NUP93: variants seen among roughly 807,000 people sequenced by gnomAD.
The protein encoded by NUP93 is nucleoporin 93, also known as nuclear pore complex protein Nup93.
A neutral mutation model predicts 107.8 loss-of-function variants in NUP93; 55 were observed. The ratio of observed to expected loss-of-function variants is 0.51; its 90% CI spans 0.41 to 0.64. NUP93 has a LOEUF of 0.64. Ranked by LOEUF, NUP93 falls within the 30% of genes least tolerant of loss-of-function variation. NUP93 has a pLI of 0.00. For synonymous variants in NUP93, 390 were observed against 397.5 expected, an observed-to-expected ratio of 0.98 and a Z score of 0.22; for missense variants, 937 against 1,044.7, an observed-to-expected ratio of 0.90 and a Z score of 1.42.
chr16:56,755,293 G>A lies in NUP93; in HGVS notation c.180-3245G>A, dbSNP rs190526666. On this transcript the variant is annotated intron_variant, in intron 2 of 21. Transcript: ENST00000308159. ...GAATACTGTTTGGCAATAAAAAGGA[G>A]TGAAGTACTAATACATGTTTCAACA... 5.2e-3 allele frequency among the ~76,000 whole-genome samples: 789 copies of A among 152,320 alleles called. 6 individuals are homozygous for A. The highest frequency in any genetic ancestry group is 9.2e-3 in the Non-Finnish European group (627 of 68,030).
intron 21 of NUP93, among the ~76,000 whole-genome samples, chr16:56,844,176 C>G (rs1395939517): frequency 6.6e-6 from 1 of 152,168 alleles, no homozygotes; most frequent in African/African-American, 2.4e-5. Context: ...GCAGGCAGTT[C>G]TGAAGCTCAG....
At position 56,849,015 on chromosome 16, in the gene NUP93, G is replaced by C. The variant is rs987003368; in HGVS notation, c.*4406G>C. 2.6e-5 allele frequency: 4 copies of C among 152,130 alleles called. No homozygotes were observed. The highest frequency in any genetic ancestry group is 4.8e-5 in the African/African-American group (2 of 41,410). 9.4% of individuals were successfully genotyped at this position (152,130 alleles called of 1,614,324 possible). On this transcript the variant is annotated 3_prime_UTR_variant, in exon 22 of 22. Transcript: ENST00000308159. The stretch of plus-strand genomic sequence containing the variant: ...TATGCTTCTCCTGTGTGCCCTCTCT[G>C]GGGTATCTGGCCCACAGTAGATTGC...
intron 4 of NUP93, among the ~76,000 whole-genome samples, chr16:56,805,014 TA>T (rs1478258688): frequency 6.6e-6 from 1 of 152,278 alleles, no homozygotes; most frequent in East Asian, 1.9e-4. Flanking sequence ...TTTATTTATT[TA>T]TTTTTTTGGA....
chr16:56,773,073 GAC>G (rs1281288081), intron 3 of NUP93, among the ~76,000 whole-genome samples: 2 of 152,218 alleles, frequency 1.3e-5, no homozygotes, highest in Non-Finnish European at 2.9e-5. Flanking sequence ...GAGCAGAGTA[GAC>G]ACAGTTTGAA....
chr16:56,794,853 G>A lies in NUP93; in HGVS notation c.298-3623G>A, dbSNP rs190845018. Among the ~76,000 whole-genome samples, 707 of 146,686 alleles carry A rather than the reference G, an allele frequency of 4.8e-3. 1 individual carries two copies. The highest frequency in any genetic ancestry group is 0.012 in the South Asian group (53 of 4,604). Reference sequence around the variant, plus strand: ...TGAGGCAGGAGAATGGCTTGAACCCGGGAGGTGGAGCTTGCAGTGAGCCGA... The same window carrying A: ...TGAGGCAGGAGAATGGCTTGAACCCAGGAGGTGGAGCTTGCAGTGAGCCGA... On this transcript the variant is annotated intron_variant, in intron 3 of 21. Transcript: ENST00000308159.
At chr16:56,748,533 A>T (rs746237898) in intron 2 of NUP93, 107 bp downstream of exon 2, 15 of 948,498 alleles carry the variant, frequency 1.6e-5, no homozygotes, top group Non-Finnish European at 2.3e-5. Flanking sequence ...GACAGCCACT[A>T]GCCAGATTCT....
At chr16:56,843,453 A>G (rs1471461548) in intron 21 of NUP93, among the ~76,000 whole-genome samples, 4 of 151,828 alleles carry the variant, frequency 2.6e-5, no homozygotes, top group Non-Finnish European at 5.9e-5. Flanking sequence ...TCTTTTTCTG[A>G]AAGGTAGGGA....
At position 56,828,906 on chromosome 16, in the gene NUP93, T is replaced by C; in HGVS notation, c.795-71T>C. 2.7e-6 allele frequency: 4 copies of C among 1,506,360 alleles called. 1 individual carries two copies. The highest frequency in any genetic ancestry group is 2.3e-5 in the South Asian group (2 of 86,742). 93.3% of individuals were successfully genotyped at this position (1,506,360 alleles called of 1,614,324 possible). A position where few individuals can be genotyped will look rare whatever the true frequency, so the allele number is the denominator to read the frequency against. ...CCTTCCAAGCTACAGTGTAATGTCA[T>C]GGATATGGGCATAGAGATGTGTAAT... On this transcript the variant is annotated intron_variant, in intron 8 of 21. Transcript: ENST00000308159.
chr16:56,803,251 G>C (rs886169506), intron 4 of NUP93, among the ~76,000 whole-genome samples: 4 of 152,130 alleles, frequency 2.6e-5, no homozygotes, highest in Non-Finnish European at 4.4e-5. Flanking sequence ...TTGAGGTCAG[G>C]AGTTCGAGAC....
chr16:56,767,530 A>T (rs1363972732), intron 3 of NUP93, among the ~76,000 whole-genome samples: 2 of 152,188 alleles, frequency 1.3e-5, no homozygotes, highest in Non-Finnish European at 2.9e-5. Context: ...GAACAAAAGG[A>T]TATGGGGGAG....
rs554349654 is a variant in NUP93 at position 56,844,682 on chromosome 16, T to C, written c.*73T>C. The C allele has an allele frequency of 2.4e-5, 21 of 858,358 alleles. No homozygotes were observed. Among genetic ancestry groups the C allele is most frequent in the Non-Finnish European group, 6.9e-6 (4 of 580,778 alleles). The allele number at this position is 858,358 out of a possible 1,614,324, so 53.2% of individuals were successfully genotyped here. ...GGCACATGGGCCCACTAGGCTGGGG[T>C]TTCTGGTTTTGTTTCTGTTGTGTTT... On this transcript the variant is annotated 3_prime_UTR_variant, in exon 22 of 22. Coordinates refer to ENST00000308159, the MANE Select transcript of NUP93 (RefSeq NM_014669.5).
intron 3 of NUP93, among the ~76,000 whole-genome samples, chr16:56,763,482 TTG>T (rs531810469): frequency 2.0e-5 from 3 of 150,270 alleles, no homozygotes; most frequent in Admixed American, 1.3e-4. Flanking sequence ...AAGGAACTGC[TTG>T]TGTGTGTGTG....
intron 3 of NUP93, among the ~76,000 whole-genome samples, chr16:56,766,143 G>A (rs1167359271): frequency 1.3e-5 from 2 of 152,188 alleles, no homozygotes; most frequent in Non-Finnish European, 2.9e-5. Context: ...CATTCTGAAC[G>A]AGCGGGAAAT....
intron 4 of NUP93, 54 bp from the exon 5 acceptor site, chr16:56,805,450 A>C: frequency 6.2e-7 from 1 of 1,604,462 alleles, no homozygotes; most frequent in Non-Finnish European, 8.5e-7. Flanking sequence ...GTCTTAAACC[A>C]TGTTTTTTTT....
At chr16:56,737,141 A>G (rs1391404246) in intron 1 of NUP93, among the ~76,000 whole-genome samples, 2 of 152,194 alleles carry the variant, frequency 1.3e-5, no homozygotes, top group Non-Finnish European at 2.9e-5. Flanking sequence ...AAATATCAAA[A>G]TATCTGTTGT....
intron 1 of NUP93, among the ~76,000 whole-genome samples, chr16:56,736,934 A>G (rs987768257): frequency 2.6e-5 from 4 of 152,174 alleles, no homozygotes; most frequent in Non-Finnish European, 5.9e-5. Context: ...AAGTCTCCCA[A>G]CTCTCACCTT....
In NUP93 at chr16:56,841,720, T is replaced by G; in HGVS notation, c.2236T>G (p.Ser746Ala). 6.2e-7 allele frequency: 1 copy of G among 1,614,168 alleles called. No homozygotes were observed. The highest frequency in any genetic ancestry group is 8.5e-7 in the Non-Finnish European group (1 of 1,179,996). The change falls in exon 21 of 22, where the codon TCA (serine) becomes GCA (alanine). Residue 746 changes from serine to alanine, a missense_variant. Ser to Ala is a moderately conservative substitution (Grantham distance 99). Coordinates refer to ENST00000308159, the MANE Select transcript of NUP93 (RefSeq NM_014669.5). ...CTCTATGTAGATCAGGCACAACCTC[T>G]CAGAAGTGCTTCTTGCCACCATGAA... Reference protein sequence around the residue: ...NFSDEIRHNLSEVLLATMNIL... With the variant: ...NFSDEIRHNLAEVLLATMNIL...
At chr16:56,764,213 G>A (rs1461721792) in intron 3 of NUP93, among the ~76,000 whole-genome samples, 13 of 152,174 alleles carry the variant, frequency 8.5e-5, no homozygotes, top group Admixed American at 3.3e-4. Context: ...ATCAATGGCC[G>A]GATGCGGTGG....
In NUP93 at chr16:56,834,533, G is replaced by A. The variant is rs909810045; in HGVS notation, c.1737+91G>A. ...ATTGCGTGTTTACTTCAATATGGTT[G>A]TGGTGGATAAGGCCTAGGGAGTTTT... On this transcript the variant is annotated intron_variant, in intron 15 of 21. Coordinates refer to ENST00000308159, the MANE Select transcript of NUP93 (RefSeq NM_014669.5). The A allele has an allele frequency of 2.9e-6, 4 of 1,387,768 alleles. No homozygotes were observed. In the East Asian group the frequency reaches 9.2e-5, roughly 32 times the overall value. 86.0% of individuals were successfully genotyped at this position (1,387,768 alleles called of 1,614,324 possible).
Sources: gnomAD v4.1 joint callset for allele counts (sites outside exome capture counted in the v4.1 genomes callset) on GRCh38, gnomAD v4.1.1 for gene constraint, MANE v1.5 for transcripts, NCBI Gene and HGNC (gene_info 2026-07-23, HGNC 2026-07-21) for gene names.